COL11A2: variants seen among roughly 807,000 people sequenced by gnomAD.
COL11A2 encodes the protein collagen type XI alpha 2 chain, also known as collagen alpha-2(XI) chain.
COL11A2 carries 116 observed loss-of-function variants against 273.4 expected under a neutral mutation model. The observed-to-expected ratio is 0.42, with a 90% CI of 0.36 to 0.49. COL11A2 has a LOEUF of 0.49. Among genes scored for constraint, COL11A2 ranks in the 20% least tolerant of loss-of-function variants. The pLI is 0.00. For synonymous variants in COL11A2, 782 were observed against 864.2 expected (o/e 0.90, Z 1.67); for missense variants, 1,866 against 2,309.0 (o/e 0.81, Z 3.93).
chr6:33,173,338 C>T lies in COL11A2; in HGVS notation c.2736+10G>A. The T allele has an allele frequency of 6.2e-7, 1 of 1,611,592 alleles. No homozygotes were observed. Among genetic ancestry groups the T allele is most frequent in the Admixed American group, 1.7e-5 (1 of 60,008 alleles). On this transcript the variant is annotated intron_variant, in intron 37 of 65. Transcript: ENST00000341947. The surrounding 1 kb of genome is among the most constrained non-coding windows in gnomAD (Gnocchi z 6.3). ...CCCCCTGAGAATGGGTAGCCAGGAGCATCACTCACCACTTCTCCTCTTTGG... is the reference window on the plus strand; with the variant it reads ...CCCCCTGAGAATGGGTAGCCAGGAGTATCACTCACCACTTCTCCTCTTTGG...
Position 33,167,138 on chromosome 6 carries a change from G to C in COL11A2, c.4177-15C>G. The C allele has an allele frequency of 6.2e-7, 1 of 1,614,070 alleles. No homozygotes were observed. The highest frequency in any genetic ancestry group is 8.5e-7 in the Non-Finnish European group (1 of 1,179,960). On this transcript the variant is annotated splice_polypyrimidine_tract_variant and intron_variant, in intron 57 of 65. Transcript: ENST00000341947. This position sits in a 1 kb window ranked among gnomAD's most constrained non-coding sequence, Gnocchi z 6.1. ...CCTGGGGGTCCCTGTGGAGAGATGGGAAGTCATTCTCTTAAGGGAGAGGTG... is the reference window on the plus strand; with the variant it reads ...CCTGGGGGTCCCTGTGGAGAGATGGCAAGTCATTCTCTTAAGGGAGAGGTG...
rs760663026 is a variant in COL11A2, at chr6:33,181,110, C to T, written c.1179+1G>A. On this transcript the variant is annotated splice_donor_variant, in intron 9 of 65. Transcript: ENST00000341947. LOFTEE classifies it high-confidence loss of function. ...TCAGCCCTGTGACCAGCATAACTTA[C>T]AGGTTCCAACACTGCAGGCTCTCCT... 3.7e-6 allele frequency: 6 copies of T among 1,614,176 alleles called. No homozygotes were observed. The highest frequency in any genetic ancestry group is 1.7e-5 in the Admixed American group (1 of 60,030).
At position 33,166,688 on chromosome 6, in the gene COL11A2, C is replaced by T; in HGVS notation, c.4338+32G>A. ...CCCCTCTCCACCCCACTCTCAACCC[C>T]CACAACTTCCGGGACCATGCCCTCT... is the stretch of plus-strand genomic sequence containing the variant. On this transcript the variant is annotated intron_variant, in intron 59 of 65. Coordinates refer to ENST00000341947, the MANE Select transcript of COL11A2 (RefSeq NM_080680.3). This position sits in a 1 kb window ranked among gnomAD's most constrained non-coding sequence, Gnocchi z 4.8. 1 of 1,613,716 alleles carries T rather than the reference C, an allele frequency of 6.2e-7. No homozygotes were observed. The highest frequency in any genetic ancestry group is 8.5e-7 in the Non-Finnish European group (1 of 1,179,760).
In COL11A2 at chr6:33,163,446, G is replaced by C. The variant is rs1394981127; in HGVS notation, c.*232C>G. 6.6e-6 allele frequency: 4 copies of C among 610,680 alleles called. No individual in the cohort carries two copies. In the Admixed American group the frequency reaches 8.8e-5, roughly 13 times the overall value. The allele number at this position is 610,680 out of a possible 1,614,324, so 37.8% of individuals were successfully genotyped here. On this transcript the variant is annotated 3_prime_UTR_variant, in exon 66 of 66. Transcript: ENST00000341947. This position sits in a 1 kb window ranked among gnomAD's most constrained non-coding sequence, Gnocchi z 4.1. The stretch of plus-strand genomic sequence containing the variant: ...TAAATAAGGGTCTCAGCTCTCTAAC[G>C]GGTAACAGGCTCCAGGTGGGAGGGC...
Position 33,164,189 on chromosome 6 carries a change from T to G in COL11A2, c.5070+78A>C. The G allele has an allele frequency of 6.5e-7, 1 of 1,527,246 alleles. No individual in the cohort carries two copies. Among genetic ancestry groups the G allele is most frequent in the Non-Finnish European group, 8.9e-7 (1 of 1,119,778 alleles). The allele number at this position is 1,527,246 out of a possible 1,614,324, so 94.6% of individuals were successfully genotyped here. A position where few individuals can be genotyped will look rare whatever the true frequency, so the allele number is the denominator to read the frequency against. On this transcript the variant is annotated intron_variant, in intron 65 of 65. Transcript: ENST00000341947. This position sits in a 1 kb window ranked among gnomAD's most constrained non-coding sequence, Gnocchi z 4.7. ...TCCTCCCTGCTCCCCCTGGGTGCCC[T>G]GCCCAAGGGGTCTTCCCACCTCCTT... is the stretch of plus-strand genomic sequence containing the variant.
chr6:33,178,649 A>G lies in COL11A2; in HGVS notation c.1719+30T>C, dbSNP rs113665333. The G allele has an allele frequency of 7.8e-5, 125 of 1,612,142 alleles. 1 individual carries two copies. In the African/African-American group the frequency reaches 9.6e-4, roughly 12 times the overall value. ...CACTCCCATAGAAGATCTATCCCCA[A>G]TTACAACACACACCCACTAATGTAC... On this transcript the variant is annotated intron_variant, in intron 18 of 65. Coordinates refer to ENST00000341947, the MANE Select transcript of COL11A2 (RefSeq NM_080680.3). The surrounding 1 kb of genome is among the most constrained non-coding windows in gnomAD (Gnocchi z 4.6).
At position 33,177,258 on chromosome 6, in the gene COL11A2, TCC is replaced by T. The variant is rs1771051975; in HGVS notation, c.1972-35_1972-34del. ...CAGGGAAAGAGAAGTCACAGGGGCC[TCC>T]CAGGGTCTCTTCTATCCAGCCTCCC... On this transcript the variant is annotated intron_variant, in intron 23 of 65. Coordinates refer to ENST00000341947, the MANE Select transcript of COL11A2 (RefSeq NM_080680.3). The surrounding 1 kb of genome is among the most constrained non-coding windows in gnomAD (Gnocchi z 5.9). 6.2e-7 allele frequency: 1 copy of T among 1,612,506 alleles called. No homozygotes were observed. Among genetic ancestry groups the T allele is most frequent in the Non-Finnish European group, 8.5e-7 (1 of 1,179,764 alleles).
rs1013483776 is a variant in COL11A2, at chr6:33,176,541, G to A, written c.2116-55C>T. ...GGGGCCTCAGAGTGTCACTGTGGGGGCCTCCAGGGGTGGAAGAAATGGAAG... is the reference window on the plus strand; with the variant it reads ...GGGGCCTCAGAGTGTCACTGTGGGGACCTCCAGGGGTGGAAGAAATGGAAG... On this transcript the variant is annotated intron_variant, in intron 26 of 65. Coordinates refer to ENST00000341947, the MANE Select transcript of COL11A2 (RefSeq NM_080680.3). This position sits in a 1 kb window ranked among gnomAD's most constrained non-coding sequence, Gnocchi z 4.9. 3.3e-6 allele frequency: 5 copies of A among 1,528,304 alleles called. No homozygotes were observed. The highest frequency in any genetic ancestry group is 1.7e-5 in the Admixed American group (1 of 59,278). The allele number at this position is 1,528,304 out of a possible 1,614,324, so 94.7% of individuals were successfully genotyped here.
Position 33,169,688 on chromosome 6 carries a change from G to A in COL11A2, c.3690+143C>T. 1 of 1,171,120 alleles carries A rather than the reference G, an allele frequency of 8.5e-7. No homozygotes were observed. Among genetic ancestry groups the A allele is most frequent in the South Asian group, 1.2e-5 (1 of 80,722 alleles). 72.5% of individuals were successfully genotyped at this position (1,171,120 alleles called of 1,614,324 possible). A position where few individuals can be genotyped will look rare whatever the true frequency, so the allele number is the denominator to read the frequency against. Reference sequence around the variant, plus strand: ...GGGAAGAAGGGCTCACTCAGACCAGGGATCAGGCCTCATAGAGGATGGCAG... The same window carrying A: ...GGGAAGAAGGGCTCACTCAGACCAGAGATCAGGCCTCATAGAGGATGGCAG... On this transcript the variant is annotated intron_variant, in intron 50 of 65. Coordinates refer to ENST00000341947, the MANE Select transcript of COL11A2 (RefSeq NM_080680.3). The surrounding 1 kb of genome is among the most constrained non-coding windows in gnomAD (Gnocchi z 5.5).
At chr6:33,192,035 T>C in intron 1 of COL11A2, 124 bp downstream of exon 1, 1 of 906,224 alleles carries the variant, frequency 1.1e-6, no homozygotes, top group Non-Finnish European at 1.8e-6. Flanking sequence ...GCCTGTAGCC[T>C]TGAAGCCCCA....
In COL11A2 at chr6:33,189,499, G is replaced by A; in HGVS notation, c.83-30C>T. 1 of 1,612,514 alleles carries A rather than the reference G, an allele frequency of 6.2e-7. No homozygotes were observed. Among genetic ancestry groups the A allele is most frequent in the Non-Finnish European group, 8.5e-7 (1 of 1,179,638 alleles). On this transcript the variant is annotated intron_variant, in intron 1 of 65. Transcript: ENST00000341947. The surrounding 1 kb of genome is among the most constrained non-coding windows in gnomAD (Gnocchi z 5.6). ...GAGAGTCCATGATTATCAGGAGAAG[G>A]GACATGCCCTCAGGAGGGCATAAAT... is the stretch of plus-strand genomic sequence containing the variant.
intron 8 of COL11A2, among the ~76,000 whole-genome samples, chr6:33,183,724 G>C (rs1162692640): frequency 6.6e-6 from 1 of 152,166 alleles, no homozygotes; most frequent in Non-Finnish European, 1.5e-5. Flanking sequence ...AGGTGACATA[G>C]GAAGTTAGAT....
Position 33,175,646 on chromosome 6 carries a change from A to G in COL11A2, c.2304T>C (p.Asp768=). 4 of 1,612,940 alleles carry G rather than the reference A, an allele frequency of 2.5e-6. No homozygotes were observed. The highest frequency in any genetic ancestry group is 3.3e-5 in the Admixed American group (2 of 60,018). The change falls in exon 30 of 66, where the codon GAT becomes GAC. Residue 768 remains aspartate, a synonymous_variant. Coordinates refer to ENST00000341947, the MANE Select transcript of COL11A2 (RefSeq NM_080680.3). ...EVGVPGSRGE[D]GPEGPKGRTG... is the part of the protein sequence containing the mutation. ...TGCGTCCCTTTGGCCCCTCAGGACC[A>G]TCCTCTCCCCTGGAACCAGGGACTC...
chr6:33,177,039 G>T lies in COL11A2; in HGVS notation c.2023C>A (p.Gln675Lys). 6.2e-7 allele frequency: 1 copy of T among 1,612,218 alleles called. No homozygotes were observed. Among genetic ancestry groups the T allele is most frequent in the Non-Finnish European group, 8.5e-7 (1 of 1,179,652 alleles). Reference protein sequence around the residue: ...AIGPHGEKGPQGKPGLPGMPG... With the variant: ...AIGPHGEKGPKGKPGLPGMPG... ...ATGCCGGGGAGCCCTGGCTTCCCTTGAGGACCCTGCAGGAAGACAAAGAGG... is the reference window on the plus strand; with the variant it reads ...ATGCCGGGGAGCCCTGGCTTCCCTTTAGGACCCTGCAGGAAGACAAAGAGG... The change falls in exon 25 of 66, where the codon CAA becomes AAA. Residue 675 changes from glutamine (Q) to lysine (K), a missense_variant. Transcript: ENST00000341947. This position sits in a 1 kb window ranked among gnomAD's most constrained non-coding sequence, Gnocchi z 5.9.
Position 33,167,619 on chromosome 6 carries a change from G to A in COL11A2, c.4015-86C>T, listed in dbSNP as rs146288830. ...AGAGGGTCCAAGGTGGGAGGCAGGA[G>A]GCAGGGAGGAAGGGCCAAACTCTAG... is the stretch of plus-strand genomic sequence containing the variant. On this transcript the variant is annotated intron_variant, in intron 55 of 65. Coordinates refer to ENST00000341947, the MANE Select transcript of COL11A2 (RefSeq NM_080680.3). The surrounding 1 kb of genome is among the most constrained non-coding windows in gnomAD (Gnocchi z 6.1). 2.5e-3 allele frequency: 3,767 copies of A among 1,527,946 alleles called. 26 individuals are homozygous for A. Among genetic ancestry groups the A allele is most frequent in the African/African-American group, 0.024 (1,743 of 73,174 alleles). 94.6% of individuals were successfully genotyped at this position (1,527,946 alleles called of 1,614,324 possible). A position where few individuals can be genotyped will look rare whatever the true frequency, so the allele number is the denominator to read the frequency against.
At position 33,167,574 on chromosome 6, in the gene COL11A2, G is replaced by A; in HGVS notation, c.4015-41C>T. The A allele has an allele frequency of 3.1e-6, 5 of 1,606,224 alleles. No homozygotes were observed. The highest frequency in any genetic ancestry group is 4.3e-6 in the Non-Finnish European group (5 of 1,175,394). ...GGAATGTGTCCTGAATGGCAGAGGA[G>A]TGGGGTGTGGGCAGGGGGCAGAGGG... On this transcript the variant is annotated intron_variant, in intron 55 of 65. Coordinates refer to ENST00000341947, the MANE Select transcript of COL11A2 (RefSeq NM_080680.3). This position sits in a 1 kb window ranked among gnomAD's most constrained non-coding sequence, Gnocchi z 6.1.
rs760309921 is a variant in COL11A2 at position 33,174,147 on chromosome 6, T to G, written c.2484+18A>C. The G allele has an allele frequency of 6.4e-7, 1 of 1,552,406 alleles. No homozygotes were observed. The highest frequency in any genetic ancestry group is 8.8e-7 in the Non-Finnish European group (1 of 1,136,340). On this transcript the variant is annotated intron_variant, in intron 32 of 65. Transcript: ENST00000341947. ...CTCCAGCCCTTCCCTTCTCACGCCC[T>G]CCCACCCCCCAGCTTACCCGGGCTC... is the stretch of plus-strand genomic sequence containing the variant.
In COL11A2 at chr6:33,186,711, GTT is replaced by G; in HGVS notation, c.712_713del (p.Asn238ProfsTer31). On this transcript the variant is annotated frameshift_variant, in exon 5 of 66. Coordinates refer to ENST00000341947, the MANE Select transcript of COL11A2 (RefSeq NM_080680.3). LOFTEE classifies it high-confidence loss of function. The part of the protein sequence containing the change: ...CEGGQRERPQ[N>X]QQPHRAQRSP... The stretch of plus-strand genomic sequence containing the variant: ...ATCTCTGGGCTCTGTGAGGCTGTTG[GTT>G]TTGGGGTCTTTCCCTCTGGCCCCCC... 6.2e-7 allele frequency: 1 copy of G among 1,611,562 alleles called. No individual in the cohort carries two copies. Among genetic ancestry groups the G allele is most frequent in the Non-Finnish European group, 8.5e-7 (1 of 1,179,104 alleles).
At chr6:33,182,725 T>C (rs973517676) in intron 8 of COL11A2, among the ~76,000 whole-genome samples, 2 of 149,456 alleles carry the variant, frequency 1.3e-5, no homozygotes, top group African/African-American at 2.5e-5. Flanking sequence ...AAAAAAAAAA[T>C]TGGAGAGCAG....
Sources: allele counts gnomAD v4.1 joint callset (sites outside exome capture counted in the v4.1 genomes callset), GRCh38; gene constraint gnomAD v4.1.1; non-coding constraint Gnocchi (gnomAD v3.1); transcripts MANE v1.5; gene names NCBI Gene and HGNC (gene_info 2026-07-23, HGNC 2026-07-21).